ST3GAL6: variants seen among roughly 807,000 people sequenced by gnomAD.
ST3GAL6 encodes ST3 beta-galactoside alpha-2,3-sialyltransferase 6.
ST3GAL6 carries 31 observed loss-of-function variants against 40.5 expected under a neutral mutation model. The observed-to-expected ratio is 0.77, with a 90% CI of 0.58 to 1.03. ST3GAL6 has a LOEUF of 1.03. Ranked by LOEUF, ST3GAL6 falls within the 50% of genes least tolerant of loss-of-function variation. ST3GAL6 has a pLI of 0.00. For missense variants in ST3GAL6, 357 were observed against 393.2 expected (o/e 0.91, Z 0.78); for synonymous variants, 129 against 136.9 (o/e 0.94, Z 0.40).
intron 5 of ST3GAL6, chr3:98,783,747 T>C: frequency 4.2e-6 from 4 of 956,288 alleles, no homozygotes; most frequent in Non-Finnish European, 5.0e-6. Flanking sequence ...CTGGTACTTA[T>C]TTTTCTTGAC....
intron 1 of ST3GAL6, among the ~76,000 whole-genome samples, chr3:98,765,844 G>T (rs704580): frequency 6.6e-6 from 1 of 152,010 alleles, no homozygotes; most frequent in Non-Finnish European, 1.5e-5. Flanking sequence ...CTTAAATTCT[G>T]TTTTTTTCTT....
intron 1 of ST3GAL6, among the ~76,000 whole-genome samples, chr3:98,754,914 T>C (rs1019240277): frequency 1.3e-5 from 2 of 152,254 alleles, no homozygotes; most frequent in African/African-American, 4.8e-5. Context: ...TATAGACTGT[T>C]GTATAAACAT....
chr3:98,779,085 G>A (rs868001730), intron 5 of ST3GAL6, among the ~76,000 whole-genome samples: 2 of 152,178 alleles, frequency 1.3e-5, no homozygotes, highest in South Asian at 4.1e-4. Flanking sequence ...GATTGAGTTA[G>A]TGGCTCAGTG....
At chr3:98,742,946 C>G (rs906265331) in intron 1 of ST3GAL6, among the ~76,000 whole-genome samples, 1 of 150,350 alleles carries the variant, frequency 6.7e-6, no homozygotes, top group African/African-American at 2.4e-5. Context: ...GTGATCTGCC[C>G]GACTCAGCCT....
chr3:98,763,529 G>C (rs1470347939), intron 1 of ST3GAL6, 90 bp downstream of exon 1: 4 of 1,192,522 alleles, frequency 3.4e-6, no homozygotes, highest in East Asian at 1.1e-4. Context: ...GTGCCCACAG[G>C]CTGTGTGGAG....
chr3:98,766,405 C>A (rs1198758578), intron 1 of ST3GAL6, among the ~76,000 whole-genome samples: 18 of 104,096 alleles, frequency 1.7e-4, no homozygotes, highest in East Asian at 3.0e-4. Flanking sequence ...AAATGTCATT[C>A]TTTTTTTTTT....
chr3:98,784,858 C>A, intron 5 of ST3GAL6, 87 bp from the exon 6 acceptor site: 2 of 1,017,850 alleles, frequency 2.0e-6, no homozygotes, highest in Non-Finnish European at 3.0e-6. Flanking sequence ...TGGAATTTGG[C>A]ACTGGGTTTC....
chr3:98,790,533 A>G (rs1351639679), intron 8 of ST3GAL6, among the ~76,000 whole-genome samples: 2 of 152,202 alleles, frequency 1.3e-5, no homozygotes, highest in Non-Finnish European at 2.9e-5. Context: ...CTTGGAGAGT[A>G]GGAATGGAAA....
chr3:98,741,661 C>T (rs1317554337), intron 1 of ST3GAL6, among the ~76,000 whole-genome samples: 1 of 152,106 alleles, frequency 6.6e-6, no homozygotes, highest in Non-Finnish European at 1.5e-5. Context: ...ATTTATATCT[C>T]TCTATAAGGC....
At chr3:98,778,131 T>TAAAGCAA (rs1450583638) in intron 5 of ST3GAL6, among the ~76,000 whole-genome samples, 1 of 152,210 alleles carries the variant, frequency 6.6e-6, no homozygotes, top group Non-Finnish European at 1.5e-5. Flanking sequence ...TGAAGAATGC[T>TAAAGCAA]TTAGTCCTGC....
chr3:98,740,225 C>CT (rs764868667), intron 1 of ST3GAL6, among the ~76,000 whole-genome samples: 7,387 of 122,020 alleles, frequency 0.061, 532 homozygotes, highest in African/African-American at 0.17. Flanking sequence ...TTGCAAAACA[C>CT]TTTTTTTTTT....
intron 1 of ST3GAL6, among the ~76,000 whole-genome samples, chr3:98,750,058 G>A (rs1360373465): frequency 6.6e-6 from 1 of 152,072 alleles, no homozygotes; most frequent in African/African-American, 2.4e-5. Context: ...CCCGTTCAGA[G>A]ACACATGATT....
At chr3:98,747,022 C>T (rs1042520588) in intron 1 of ST3GAL6, among the ~76,000 whole-genome samples, 12 of 152,148 alleles carry the variant, frequency 7.9e-5, no homozygotes, top group African/African-American at 2.9e-4. Context: ...CTTTATCAGA[C>T]ATTGTCTATG....
chr3:98,782,764 A>G (rs1461496221), intron 5 of ST3GAL6: 3 of 513,588 alleles, frequency 5.8e-6, no homozygotes, highest in Admixed American at 2.3e-5. Context: ...GTGGTCTCAT[A>G]ATCAACAAAG....
chr3:98,740,791 A>G (rs896917226), intron 1 of ST3GAL6, among the ~76,000 whole-genome samples: 8 of 152,196 alleles, frequency 5.3e-5, no homozygotes, highest in African/African-American at 1.9e-4. Context: ...TATAGCTATT[A>G]TGACAATTCT....
chr3:98,768,699 G>A (rs938323419), intron 2 of ST3GAL6, among the ~76,000 whole-genome samples, 170 bp downstream of exon 2: 66 of 152,024 alleles, frequency 4.3e-4, no homozygotes, highest in African/African-American at 9.7e-5. Context: ...ATTGTATCTC[G>A]AACAATTTAA....
At chr3:98,756,262 G>A (rs1937410686) in intron 1 of ST3GAL6, 1 of 900,972 alleles carries the variant, frequency 1.1e-6, no homozygotes, top group Non-Finnish European at 1.6e-6. Context: ...GATCAGAAGT[G>A]AGTTTACTAA....
chr3:98,735,504 G>C (rs1431225563), intron 1 of ST3GAL6, among the ~76,000 whole-genome samples: 3 of 152,186 alleles, frequency 2.0e-5, no homozygotes, highest in Non-Finnish European at 4.4e-5. Context: ...TAGGTGATCA[G>C]GGTCTGGCGA....
At chr3:98,761,573 A>G (rs966724481), upstream of ST3GAL6, among the ~76,000 whole-genome samples, 3 of 150,804 alleles carry the variant, frequency 2.0e-5, no homozygotes, top group African/African-American at 7.3e-5. Flanking sequence ...TTGCATCACT[A>G]CACTTCAGCC....
Sources: allele counts gnomAD v4.1 joint callset (sites outside exome capture counted in the v4.1 genomes callset), GRCh38; gene constraint gnomAD v4.1.1; transcripts MANE v1.5; gene names NCBI Gene and HGNC (gene_info 2026-07-23, HGNC 2026-07-21).